Variants in TMEM156 observed in about 807,000 individuals in gnomAD.
TMEM156 encodes transmembrane protein 156.
In TMEM156, 28 loss-of-function variants were observed where a neutral mutation model predicts 30.5. The observed-to-expected ratio is 0.92, with a 90% confidence interval of 0.68 to 1.26. The LOEUF is 1.26. TMEM156 is among the 50% of genes most tolerant of loss of function. The pLI, the probability that TMEM156 is intolerant of heterozygous loss-of-function variation, is 0.00. For missense variants in TMEM156, 351 were observed against 340.6 expected (o/e 1.03, Z -0.24); for synonymous variants, 137 against 119.9 (o/e 1.14, Z -0.93).
chr4:39,016,268 G>A (rs1577575817), intron 1 of TMEM156, among the ~76,000 whole-genome samples: 2 of 152,050 alleles, frequency 1.3e-5, no homozygotes, highest in South Asian at 4.2e-4. Context: ...AGCTACTCAG[G>A]AGGATGAGGC....
intron 1 of TMEM156, among the ~76,000 whole-genome samples, chr4:39,016,790 A>G (rs1385739633): frequency 6.6e-6 from 1 of 152,134 alleles, no homozygotes; most frequent in African/African-American, 2.4e-5. Context: ...GCTTGTTTTT[A>G]TAGTCTGGTA....
chr4:39,031,113 TA>T (rs1471078119), intron 1 of TMEM156, among the ~76,000 whole-genome samples: 2 of 152,324 alleles, frequency 1.3e-5, no homozygotes, highest in African/African-American at 4.8e-5. Flanking sequence ...TTGCAGCAAA[TA>T]ATCAAATATG....
At chr4:39,029,850 C>T (rs1043554349) in intron 1 of TMEM156, among the ~76,000 whole-genome samples, 5 of 151,390 alleles carry the variant, frequency 3.3e-5, no homozygotes, top group African/African-American at 9.7e-5. Context: ...ATCCATAAAC[C>T]ATTAGAAAAA....
At chr4:38,975,511 T>C (rs1486643511) in intron 5 of TMEM156, among the ~76,000 whole-genome samples, 1 of 151,454 alleles carries the variant, frequency 6.6e-6, no homozygotes, top group Non-Finnish European at 1.5e-5. Flanking sequence ...GACTCCCGAG[T>C]AGCTGGAATC....
chr4:38,992,743 ATATATT>A (rs1712610317), intron 3 of TMEM156, among the ~76,000 whole-genome samples: 1 of 49,984 alleles, frequency 2.0e-5, no homozygotes, highest in Admixed American at 2.5e-4. Flanking sequence ...ATAATATATA[ATATATT>A]ATATATATAT....
chr4:38,975,203 A>C (rs1029279301), intron 5 of TMEM156, among the ~76,000 whole-genome samples: 1 of 152,090 alleles, frequency 6.6e-6, no homozygotes, highest in Non-Finnish European at 1.5e-5. Flanking sequence ...TACCTGGCCC[A>C]CAGCACTCAT....
chr4:39,015,051 A>G (rs932962627), intron 1 of TMEM156, among the ~76,000 whole-genome samples: 1 of 152,180 alleles, frequency 6.6e-6, no homozygotes, highest in South Asian at 2.1e-4. Flanking sequence ...AGTTTCCTAG[A>G]TATGTGTCTT....
intron 1 of TMEM156, among the ~76,000 whole-genome samples, chr4:39,019,857 A>AT (rs2110050779): frequency 6.6e-6 from 1 of 152,314 alleles, no homozygotes; most frequent in East Asian, 1.9e-4. Flanking sequence ...ATCCATTATT[A>AT]TTAGCTATAG....
At chr4:38,980,185 T>TAA (rs780451036) in intron 5 of TMEM156, among the ~76,000 whole-genome samples, 12,273 of 112,234 alleles carry the variant, frequency 0.11, 723 homozygotes, top group Admixed American at 0.19. Flanking sequence ...CCAGATTAAC[T>TAA]AAAAAAAAAA....
At chr4:39,007,547 C>A (rs764335073) in intron 1 of TMEM156, among the ~76,000 whole-genome samples, 1 of 152,026 alleles carries the variant, frequency 6.6e-6, no homozygotes, top group Non-Finnish European at 1.5e-5. Flanking sequence ...TTCTGCCTCC[C>A]GAGTTCAAAC....
intron 1 of TMEM156, among the ~76,000 whole-genome samples, chr4:39,002,122 G>A (rs1271905371): frequency 3.8e-4 from 53 of 138,176 alleles, no homozygotes; most frequent in East Asian, 2.6e-3. Context: ...GAAAATTTTC[G>A]CAACCTACTC....
chr4:39,005,459 C>T (rs1713665830), intron 1 of TMEM156, among the ~76,000 whole-genome samples: 1 of 152,208 alleles, frequency 6.6e-6, no homozygotes. Context: ...TCACCTTCCA[C>T]CATGACTGTA....
At chr4:39,016,842 G>A (rs2711965) in intron 1 of TMEM156, among the ~76,000 whole-genome samples, 14,088 of 152,084 alleles carry the variant, frequency 0.093, 2,000 homozygotes, top group African/African-American at 0.31. Context: ...AGACATACCC[G>A]AGACTGGGTA....
chr4:38,973,875 T>C (rs1722722167), intron 5 of TMEM156, among the ~76,000 whole-genome samples: 1 of 152,198 alleles, frequency 6.6e-6, no homozygotes, highest in Non-Finnish European at 1.5e-5. Context: ...TAAGGAAGTA[T>C]GTATTTGTCT....
chr4:39,017,054 C>A (rs1002141811), intron 1 of TMEM156, among the ~76,000 whole-genome samples: 1 of 152,038 alleles, frequency 6.6e-6, no homozygotes, highest in Non-Finnish European at 1.5e-5. Context: ...ATGGGGGAAA[C>A]CACCCTATGA....
At chr4:38,998,549 A>C (rs1713093565) in intron 2 of TMEM156, 91 bp downstream of exon 2, 8 of 1,258,250 alleles carry the variant, frequency 6.4e-6, no homozygotes, top group South Asian at 2.1e-5. Context: ...ATCTCAAAAA[A>C]AAAAAAAGAA....
intron 5 of TMEM156, among the ~76,000 whole-genome samples, chr4:38,972,560 C>CTT (rs78469567): frequency 6.5e-4 from 93 of 143,772 alleles, no homozygotes; most frequent in African/African-American, 2.2e-3. Context: ...CTCTTTCTTT[C>CTT]TTTTTTTTTT....
chr4:39,026,570 T>C (rs76890363), intron 1 of TMEM156, among the ~76,000 whole-genome samples: 11,031 of 152,126 alleles, frequency 0.073, 639 homozygotes, highest in South Asian at 0.25. Flanking sequence ...AAAATATATA[T>C]ATGAAAATAT....
intron 5 of TMEM156, among the ~76,000 whole-genome samples, chr4:38,974,339 A>AGATT (rs1477825823): frequency 1.3e-5 from 2 of 151,592 alleles, no homozygotes; most frequent in African/African-American, 4.8e-5. Context: ...CAAAGCCCTG[A>AGATT]GATTACAGGC....
Sources: allele counts gnomAD v4.1 joint callset (sites outside exome capture counted in the v4.1 genomes callset), GRCh38; gene constraint gnomAD v4.1.1; transcripts MANE v1.5; gene names NCBI Gene and HGNC (gene_info 2026-07-23, HGNC 2026-07-21).